PPM1E: variants seen among roughly 807,000 people sequenced by gnomAD.
PPM1E encodes the protein protein phosphatase 1E.
Under a neutral mutation model 65.9 loss-of-function variants are expected in PPM1E, and 20 were observed. That is an observed-to-expected ratio of 0.30 (90% CI 0.21 to 0.44). PPM1E has a LOEUF of 0.44. Ranked by LOEUF, PPM1E falls within the 20% of genes least tolerant of loss-of-function variation. The pLI is 1.00. For synonymous variants in PPM1E, 352 were observed against 374.9 expected (o/e 0.94, Z 0.70); for missense variants, 713 against 953.1 (o/e 0.75, Z 3.32).
At chr17:58,917,712 A>G (rs1159269997) in intron 1 of PPM1E, among the ~76,000 whole-genome samples, 2 of 152,190 alleles carry the variant, frequency 1.3e-5, no homozygotes, top group Admixed American at 1.3e-4. Context: ...TCTTCTCCTC[A>G]TTATTAGAAT....
At chr17:58,859,069 C>T (rs1036190187) in intron 1 of PPM1E, among the ~76,000 whole-genome samples, 1 of 152,164 alleles carries the variant, frequency 6.6e-6, no homozygotes, top group Non-Finnish European at 1.5e-5. Flanking sequence ...TCAAAGAAAT[C>T]GGGTTAGTGT....
At chr17:58,960,126 T>C (rs375799175) in intron 2 of PPM1E, among the ~76,000 whole-genome samples, 10 of 152,344 alleles carry the variant, frequency 6.6e-5, no homozygotes, top group African/African-American at 1.9e-4. Flanking sequence ...CATCAAGTGA[T>C]CTCAACAGAA....
intron 1 of PPM1E, among the ~76,000 whole-genome samples, chr17:58,856,322 C>G (rs1448794387): frequency 6.6e-6 from 1 of 152,060 alleles, no homozygotes; most frequent in Admixed American, 6.6e-5. Flanking sequence ...TCACTGCAGC[C>G]CCCACCTCCC....
At chr17:58,910,509 G>A (rs1441543625) in intron 1 of PPM1E, among the ~76,000 whole-genome samples, 1 of 152,000 alleles carries the variant, frequency 6.6e-6, no homozygotes, top group East Asian at 1.9e-4. Flanking sequence ...TACTTGTTCT[G>A]TCTTTTCAAA....
At chr17:58,880,488 T>C (rs1190725195) in intron 1 of PPM1E, among the ~76,000 whole-genome samples, 1 of 152,222 alleles carries the variant, frequency 6.6e-6, no homozygotes, top group Admixed American at 6.5e-5. Flanking sequence ...AAACAATCTT[T>C]CAGGGAAAAT....
Position 58,965,692 on chromosome 17 carries a change from A to C in PPM1E, c.584-2A>C. ...TTGGGGGTTTCTGTGTTTCTTTCAC[A>C]GAGATTGAGACAGTGAAATTGGCCC... On this transcript the variant is annotated splice_acceptor_variant, in intron 2 of 6. Coordinates refer to ENST00000308249, the MANE Select transcript of PPM1E (RefSeq NM_014906.5). LOFTEE classifies it high-confidence loss of function. 1 of 1,611,726 alleles carries C rather than the reference A, an allele frequency of 6.2e-7. No individual in the cohort carries two copies. Among genetic ancestry groups the C allele is most frequent in the Non-Finnish European group, 8.5e-7 (1 of 1,177,908 alleles).
At chr17:58,816,939 C>A (rs983067261) in intron 1 of PPM1E, among the ~76,000 whole-genome samples, 1 of 150,628 alleles carries the variant, frequency 6.6e-6, no homozygotes, top group Non-Finnish European at 1.5e-5. Flanking sequence ...GGGCCTATGG[C>A]GCATGACCAC....
intron 1 of PPM1E, among the ~76,000 whole-genome samples, chr17:58,836,345 A>T (rs1423459506): frequency 6.6e-6 from 1 of 151,864 alleles, no homozygotes; most frequent in Admixed American, 6.6e-5. Context: ...AAGAATTCCC[A>T]GGGGGCCTGG....
chr17:58,817,439 A>G (rs965684162), intron 1 of PPM1E, among the ~76,000 whole-genome samples: 1 of 152,220 alleles, frequency 6.6e-6, no homozygotes, highest in Admixed American at 6.5e-5. Context: ...TCATTTTAAA[A>G]TAAGAAAATG....
chr17:58,763,927 C>T (rs780503349), intron 1 of PPM1E, among the ~76,000 whole-genome samples: 72 of 151,846 alleles, frequency 4.7e-4, no homozygotes, highest in Non-Finnish European at 7.8e-4. Context: ...TTATGGATGC[C>T]TAAAAGTCTA....
chr17:58,902,050 T>C (rs1270641731), intron 1 of PPM1E, among the ~76,000 whole-genome samples: 1 of 152,054 alleles, frequency 6.6e-6, no homozygotes, highest in Non-Finnish European at 1.5e-5. Flanking sequence ...AAACTTCCTG[T>C]TCTGGAATGT....
intron 1 of PPM1E, among the ~76,000 whole-genome samples, chr17:58,814,409 C>G (rs2050396619): frequency 6.6e-6 from 1 of 152,294 alleles, no homozygotes; most frequent in South Asian, 2.1e-4. Flanking sequence ...CTTCTAACAA[C>G]AGCCAAGGGA....
In PPM1E at chr17:58,812,125, T is replaced by A. The variant is rs566181595; in HGVS notation, c.464+55664T>A. Reference sequence around the variant, plus strand: ...ATGTCTCAGAATTCCATTTTTTTTTTAATTCTCTAATAAGAATAGGGATTT... The same window carrying A: ...ATGTCTCAGAATTCCATTTTTTTTTAAATTCTCTAATAAGAATAGGGATTT... On this transcript the variant is annotated intron_variant, in intron 1 of 6. Transcript: ENST00000308249. 2.0e-4 allele frequency among the ~76,000 whole-genome samples: 30 copies of A among 151,802 alleles called. No homozygotes were observed. In the East Asian group the frequency reaches 2.5e-3, roughly 13 times the overall value.
chr17:58,871,233 T>C (rs1258044361), intron 1 of PPM1E, among the ~76,000 whole-genome samples: 1 of 151,972 alleles, frequency 6.6e-6, no homozygotes, highest in Non-Finnish European at 1.5e-5. Flanking sequence ...AGAGATGGAG[T>C]CTCACTGTGT....
chr17:58,964,680 C>T (rs2030156796), intron 2 of PPM1E, among the ~76,000 whole-genome samples: 1 of 152,158 alleles, frequency 6.6e-6, no homozygotes. Context: ...AAAGTTTTAA[C>T]TCATTTGCTA....
intron 1 of PPM1E, among the ~76,000 whole-genome samples, chr17:58,945,965 G>A (rs9893351): frequency 0.56 from 85,222 of 151,784 alleles, 24,227 homozygotes; most frequent in Non-Finnish European, 0.61. Flanking sequence ...TCATCACGTA[G>A]GCATGTTCAA....
At chr17:58,767,174 T>G (rs575679509) in intron 1 of PPM1E, among the ~76,000 whole-genome samples, 58 of 152,284 alleles carry the variant, frequency 3.8e-4, no homozygotes, top group Non-Finnish European at 1.5e-5. Context: ...CTGTTTCTCT[T>G]GCTGCTGTGT....
chr17:58,962,268 G>C (rs2030055665), intron 2 of PPM1E, among the ~76,000 whole-genome samples: 1 of 146,368 alleles, frequency 6.8e-6, no homozygotes, highest in Non-Finnish European at 1.5e-5. Flanking sequence ...TGGACAACAA[G>C]AGTGAAACTC....
chr17:58,799,924 G>T lies in PPM1E; in HGVS notation c.464+43463G>T, dbSNP rs541027383. ...TAGGTAATGTAAATTATCCAACCTT[G>T]TTTCTCCAAATTGCTTGGATTTTAT... On this transcript the variant is annotated intron_variant, in intron 1 of 6. Coordinates refer to ENST00000308249, the MANE Select transcript of PPM1E (RefSeq NM_014906.5). 2.0e-5 allele frequency among the ~76,000 whole-genome samples: 3 copies of T among 152,228 alleles called. No homozygotes were observed. The South Asian group carries it at 6.2e-4, about 32-fold the overall frequency.
Sources: allele counts gnomAD v4.1 joint callset (sites outside exome capture counted in the v4.1 genomes callset), GRCh38; gene constraint gnomAD v4.1.1; transcripts MANE v1.5; gene names NCBI Gene and HGNC (gene_info 2026-07-23, HGNC 2026-07-21).